ZNF804A: variants seen among roughly 807,000 people sequenced by gnomAD.
ZNF804A encodes the protein zinc finger protein 804A.
A neutral mutation model predicts 16.5 loss-of-function variants in ZNF804A; 2 were observed. The observed-to-expected ratio is 0.12, with a 90% confidence interval of 0.05 to 0.38. ZNF804A has a LOEUF of 0.38. Ranked by LOEUF, ZNF804A falls within the 10% of genes least tolerant of loss-of-function variation. ZNF804A has a pLI of 0.99. For missense variants in ZNF804A, 1,473 were observed against 1,390.7 expected (o/e 1.06, Z -0.94); for synonymous variants, 534 against 489.6 (o/e 1.09, Z -1.20).
chr2:184,722,314 T>C lies in ZNF804A; in HGVS notation c.111+123244T>C, dbSNP rs1340173881. Among the ~76,000 whole-genome samples, 3 of 152,080 alleles carry C rather than the reference T, an allele frequency of 2.0e-5. No individual in the cohort carries two copies. The East Asian group carries it at 5.8e-4, about 29-fold the overall frequency. ...TCCGATGATTTAAAATGTTCTTCTTTATGCCGTGTTTAAGATGGCTGGAAA... is the reference window on the plus strand; with the variant it reads ...TCCGATGATTTAAAATGTTCTTCTTCATGCCGTGTTTAAGATGGCTGGAAA... On this transcript the variant is annotated intron_variant, in intron 1 of 3. Transcript: ENST00000302277.
At chr2:184,861,681 G>A (rs988542473) in intron 1 of ZNF804A, among the ~76,000 whole-genome samples, 3 of 152,286 alleles carry the variant, frequency 2.0e-5, no homozygotes, top group South Asian at 2.1e-4. Flanking sequence ...CTTTAGGAAA[G>A]AGGCCATATG....
chr2:184,603,820 C>G (rs536719760), intron 1 of ZNF804A, among the ~76,000 whole-genome samples: 2 of 152,076 alleles, frequency 1.3e-5, no homozygotes, highest in Non-Finnish European at 2.9e-5. Flanking sequence ...ATATTAAAGA[C>G]CATCTTGTGT....
At chr2:184,697,110 T>C (rs934280937) in intron 1 of ZNF804A, among the ~76,000 whole-genome samples, 11 of 152,054 alleles carry the variant, frequency 7.2e-5, no homozygotes, top group Non-Finnish European at 1.6e-4. Context: ...GAAGAAGAGA[T>C]TATATTTTAA....
Position 184,704,233 on chromosome 2 carries a change from C to T in ZNF804A, c.111+105163C>T, listed in dbSNP as rs1007183607. Among the ~76,000 whole-genome samples the T allele has an allele frequency of 2.0e-5, 3 of 151,394 alleles. No homozygotes were observed. The East Asian group carries it at 5.8e-4, about 29-fold the overall frequency. ...GTGGCGCCATCTCTACTCACGGCAA[C>T]CCCCGCCTCCCGAGATCAAGCAATT... On this transcript the variant is annotated intron_variant, in intron 1 of 3. Transcript: ENST00000302277.
At chr2:184,850,113 G>C (rs1445699364) in intron 1 of ZNF804A, among the ~76,000 whole-genome samples, 1 of 151,586 alleles carries the variant, frequency 6.6e-6, no homozygotes, top group Admixed American at 6.6e-5. Flanking sequence ...TGGTTAATGG[G>C]TGCAAAAATG....
chr2:184,798,140 C>A (rs1012661281), intron 1 of ZNF804A, among the ~76,000 whole-genome samples: 1 of 149,494 alleles, frequency 6.7e-6, no homozygotes, highest in Non-Finnish European at 1.5e-5. Context: ...TTATAGGTTA[C>A]CTGGTTCTTT....
chr2:184,690,621 G>A (rs1432298285), intron 1 of ZNF804A, among the ~76,000 whole-genome samples: 1 of 151,994 alleles, frequency 6.6e-6, no homozygotes, highest in Non-Finnish European at 1.5e-5. Flanking sequence ...TTTTTAGCAT[G>A]CCTTTAGTAA....
At chr2:184,744,539 G>T (rs545788036) in intron 1 of ZNF804A, among the ~76,000 whole-genome samples, 2 of 151,764 alleles carry the variant, frequency 1.3e-5, no homozygotes, top group Admixed American at 6.6e-5. Context: ...CAGAAAGCAG[G>T]CCCTCACCAA....
intron 1 of ZNF804A, among the ~76,000 whole-genome samples, chr2:184,777,811 C>A (rs1694311937): frequency 6.6e-6 from 1 of 151,262 alleles, no homozygotes; most frequent in Non-Finnish European, 1.5e-5. Flanking sequence ...TTTATCTATT[C>A]TTTTTCCTTC....
At chr2:184,642,528 C>T (rs1691809686) in intron 1 of ZNF804A, among the ~76,000 whole-genome samples, 1 of 152,068 alleles carries the variant, frequency 6.6e-6, no homozygotes, top group Non-Finnish European at 1.5e-5. Context: ...ATTCATTAGT[C>T]GGGATATAAG....
At chr2:184,887,376 G>A (rs561714340) in intron 2 of ZNF804A, among the ~76,000 whole-genome samples, 2 of 152,222 alleles carry the variant, frequency 1.3e-5, no homozygotes, top group East Asian at 1.9e-4. Flanking sequence ...ACATTTTCCT[G>A]TCTTCTTCTG....
intron 1 of ZNF804A, among the ~76,000 whole-genome samples, chr2:184,615,058 A>G (rs1691297681): frequency 1.3e-5 from 2 of 152,238 alleles, no homozygotes; most frequent in African/African-American, 4.8e-5. Flanking sequence ...AGGATTATAA[A>G]TCATTCTACT....
intron 1 of ZNF804A, among the ~76,000 whole-genome samples, chr2:184,771,731 A>G (rs1694217974): frequency 6.6e-6 from 1 of 152,088 alleles, no homozygotes; most frequent in Admixed American, 6.6e-5. Context: ...CTCAGTTTGT[A>G]GACTACCTGC....
intron 1 of ZNF804A, among the ~76,000 whole-genome samples, chr2:184,691,865 A>G (rs1692735903): frequency 6.6e-6 from 1 of 152,076 alleles, no homozygotes; most frequent in Admixed American, 6.6e-5. Flanking sequence ...AGAAATAGCC[A>G]TTAAAAGAAC....
At chr2:184,755,158 T>A (rs1210559385) in intron 1 of ZNF804A, among the ~76,000 whole-genome samples, 1 of 151,926 alleles carries the variant, frequency 6.6e-6, no homozygotes, top group Non-Finnish European at 1.5e-5. Context: ...ATGTCAAAGT[T>A]AGTCTTTGAG....
chr2:184,749,854 A>G lies in ZNF804A; in HGVS notation c.112-116515A>G, dbSNP rs1574194074. Among the ~76,000 whole-genome samples, 3 of 151,284 alleles carry G rather than the reference A, an allele frequency of 2.0e-5. No homozygotes were observed. The South Asian group carries it at 6.2e-4, about 31-fold the overall frequency. ...TTCATGTATTCAGCTTTCATTTGAA[A>G]TTCTCACTCATTGATTACTTTAATA... is the stretch of plus-strand genomic sequence containing the variant. On this transcript the variant is annotated intron_variant, in intron 1 of 3. Coordinates refer to ENST00000302277, the MANE Select transcript of ZNF804A (RefSeq NM_194250.2).
chr2:184,687,207 A>G (rs1217620303), intron 1 of ZNF804A, among the ~76,000 whole-genome samples: 1 of 152,164 alleles, frequency 6.6e-6, no homozygotes, highest in Non-Finnish European at 1.5e-5. Flanking sequence ...CATATGGTGA[A>G]AGGTAAGGGT....
chr2:184,601,018 T>C (rs1221636784), intron 1 of ZNF804A, among the ~76,000 whole-genome samples: 1 of 152,166 alleles, frequency 6.6e-6, no homozygotes, highest in East Asian at 1.9e-4. Context: ...TTATCTTAGT[T>C]ATCATGAAAG....
chr2:184,613,012 G>A (rs1691263153), intron 1 of ZNF804A, among the ~76,000 whole-genome samples: 1 of 152,210 alleles, frequency 6.6e-6, no homozygotes, highest in Admixed American at 6.5e-5. Flanking sequence ...TTCCTTATGT[G>A]ATACCACAAT....
Sources: allele counts gnomAD v4.1 joint callset (sites outside exome capture counted in the v4.1 genomes callset), GRCh38; gene constraint gnomAD v4.1.1; transcripts MANE v1.5; gene names NCBI Gene and HGNC (gene_info 2026-07-23, HGNC 2026-07-21).